The following MDM2 variants were observed in gnomAD, a reference collection of about 807,000 sequenced individuals.
The protein encoded by MDM2 is E3 ubiquitin-protein ligase Mdm2.
A neutral mutation model predicts 64.3 loss-of-function variants in MDM2; 11 were observed. The ratio of observed to expected loss-of-function variants is 0.17; its 90% CI spans 0.11 to 0.28. The LOEUF is 0.28. MDM2 is among the 10% of genes least tolerant of loss of function. The pLI, the probability that MDM2 is intolerant of heterozygous loss-of-function variation, is 1.00. For missense variants in MDM2, 388 were observed against 577.1 expected, an observed-to-expected ratio of 0.67 and a Z score of 3.36; for synonymous variants, 194 against 192.9, an observed-to-expected ratio of 1.01 and a Z score of -0.05.
downstream of MDM2, chr12:68,847,167 AT>A (rs1884357357): frequency 1.0e-5 from 1 of 96,768 alleles, no homozygotes; most frequent in African/African-American, 5.2e-5. Flanking sequence ...TATAATACAT[AT>A]GTGTTTATGT....
At chr12:68,815,123 G>C (rs1881239133) in intron 3 of MDM2, among the ~76,000 whole-genome samples, 1 of 152,178 alleles carries the variant, frequency 6.6e-6, no homozygotes, top group African/African-American at 2.4e-5. Flanking sequence ...AGTGTTTGTA[G>C]GAAAGGGCCA....
intron 8 of MDM2, among the ~76,000 whole-genome samples, chr12:68,833,684 G>A (rs987371525): frequency 6.6e-6 from 1 of 151,982 alleles, no homozygotes; most frequent in South Asian, 2.1e-4. Context: ...TAATGCAGGA[G>A]CAACTGTAGA....
intron 2 of MDM2, among the ~76,000 whole-genome samples, chr12:68,812,004 C>A (rs927891190): frequency 1.3e-4 from 20 of 152,132 alleles, no homozygotes; most frequent in African/African-American, 4.8e-4. Flanking sequence ...CCTCGGCCTC[C>A]CAAAGTGCTG....
At chr12:68,849,262 G>T (rs1191984007), downstream of MDM2, 1 of 151,424 alleles carries the variant, frequency 6.6e-6, no homozygotes, top group African/African-American at 2.4e-5. Context: ...GCTAGTTTTT[G>T]TATTTTCAGT....
At position 68,845,248 on chromosome 12, in the gene MDM2, G is replaced by A. The variant is rs1884189993; in HGVS notation, c.*5399G>A. On this transcript the variant is annotated 3_prime_UTR_variant, in exon 11 of 11. Coordinates refer to ENST00000258149, the MANE Select transcript of MDM2 (RefSeq NM_002392.6). ...CTTCAGCTTAAAAAATTGTTTAAAAGTTTGTGATCATATTGTCTACCATGT... is the reference window on the plus strand; with the variant it reads ...CTTCAGCTTAAAAAATTGTTTAAAAATTTGTGATCATATTGTCTACCATGT... 1 of 215,316 alleles carries A rather than the reference G, an allele frequency of 4.6e-6. No individual in the cohort carries two copies. Among genetic ancestry groups the A allele is most frequent in the African/African-American group, 2.3e-5 (1 of 44,260 alleles). 13.3% of individuals were successfully genotyped at this position (215,316 alleles called of 1,614,324 possible).
At chr12:68,819,927 C>T (rs1330703664) in intron 4 of MDM2, among the ~76,000 whole-genome samples, 1 of 152,192 alleles carries the variant, frequency 6.6e-6, no homozygotes, top group Non-Finnish European at 1.5e-5. Flanking sequence ...ATGGATTTTG[C>T]ATAACTCAAT....
chr12:68,833,863 G>A (rs979907927), intron 8 of MDM2, among the ~76,000 whole-genome samples: 1 of 152,148 alleles, frequency 6.6e-6, no homozygotes, highest in African/African-American at 2.4e-5. Flanking sequence ...AAAGACTTTA[G>A]TTAGTTGAAG....
chr12:68,848,603 G>C (rs774771672), downstream of MDM2: 6 of 152,212 alleles, frequency 3.9e-5, no homozygotes, highest in African/African-American at 1.4e-4. Flanking sequence ...TGGCTGAAAA[G>C]CCTTTTTAGA....
chr12:68,822,982 C>A (rs1205030517), intron 5 of MDM2, among the ~76,000 whole-genome samples: 2 of 152,160 alleles, frequency 1.3e-5, no homozygotes, highest in Non-Finnish European at 2.9e-5. Context: ...CTCAGGTGAT[C>A]CTCCCACCTT....
intron 5 of MDM2, among the ~76,000 whole-genome samples, chr12:68,820,756 A>G (rs1881774387): frequency 1.3e-5 from 2 of 152,198 alleles, no homozygotes; most frequent in South Asian, 4.1e-4. Flanking sequence ...TTCTTTGGTT[A>G]TAGACAAAAT....
At chr12:68,845,546 TAG>T (rs973629676), downstream of MDM2, 7 of 187,570 alleles carry the variant, frequency 3.7e-5, no homozygotes, top group Non-Finnish European at 7.9e-5. Context: ...TGATTGTCTT[TAG>T]AGAGAGGAGT....
At chr12:68,808,952 A>G in intron 1 of MDM2, 1 of 1,387,994 alleles carries the variant, frequency 7.2e-7, no homozygotes, top group African/African-American at 1.5e-5. Context: ...CCGAAACTGC[A>G]GTAAAAGGAG....
intron 2 of MDM2, among the ~76,000 whole-genome samples, chr12:68,811,699 G>C (rs1295790032): frequency 4.0e-5 from 6 of 150,436 alleles, no homozygotes; most frequent in Admixed American, 4.0e-4. Flanking sequence ...CTGCTTCCTG[G>C]GTTCAAGCAA....
intron 10 of MDM2, 89 bp downstream of exon 10, chr12:68,836,838 G>C (rs1200132865): frequency 6.4e-6 from 5 of 779,994 alleles, no homozygotes; most frequent in African/African-American, 3.5e-5. Flanking sequence ...GAAATGAACT[G>C]ATTTTTATAA....
chr12:68,828,511 T>C (rs1592588801), intron 7 of MDM2: 1 of 333,218 alleles, frequency 3.0e-6, no homozygotes, highest in South Asian at 3.3e-5. Flanking sequence ...GAGGCAGAGG[T>C]TGCAGTGAGC....
intron 8 of MDM2, among the ~76,000 whole-genome samples, chr12:68,833,043 G>A (rs187342942): frequency 1.4e-5 from 2 of 144,026 alleles, no homozygotes; most frequent in African/African-American, 2.6e-5. Context: ...GGAGAATGGC[G>A]TGAACCCAGG....
rs1363043606 is a variant in MDM2, at chr12:68,835,942, C to T, written c.798C>T (p.Ser266=). Residue 266 remains serine, a synonymous_variant, in exon 9 of 11, where the codon AGC becomes AGT. Coordinates refer to ENST00000258149, the MANE Select transcript of MDM2 (RefSeq NM_002392.6). ...EVESLDSEDY[S]LSEEGQELSD... is the part of the protein sequence containing the mutation. ...AATCTCTCGACTCAGAAGATTATAGCCTTAGTGAAGAAGGACAAGAACTCT... is the reference window on the plus strand; with the variant it reads ...AATCTCTCGACTCAGAAGATTATAGTCTTAGTGAAGAAGGACAAGAACTCT... 5.6e-6 allele frequency: 9 copies of T among 1,611,608 alleles called. No homozygotes were observed. Among genetic ancestry groups the T allele is most frequent in the Non-Finnish European group, 7.6e-6 (9 of 1,178,510 alleles).
At chr12:68,839,158 C>CT (rs1217897257) in intron 10 of MDM2, 116 bp from the exon 11 acceptor site, 32 of 863,592 alleles carry the variant, frequency 3.7e-5, no homozygotes, top group Non-Finnish European at 5.3e-5. Flanking sequence ...ACATGAAACA[C>CT]TGAATATTGA....
intron 9 of MDM2, among the ~76,000 whole-genome samples, 198 bp downstream of exon 9, chr12:68,836,182 A>G (rs1324327807): frequency 6.6e-6 from 1 of 152,132 alleles, no homozygotes; most frequent in African/African-American, 2.4e-5. Context: ...TTATATTACT[A>G]CTAATTGCCA....
Sources: allele counts gnomAD v4.1 joint callset (sites outside exome capture counted in the v4.1 genomes callset), GRCh38; gene constraint gnomAD v4.1.1; transcripts MANE v1.5; gene names NCBI Gene and HGNC (gene_info 2026-07-23, HGNC 2026-07-21).